RBMS1: variants seen among roughly 807,000 people sequenced by gnomAD.
RBMS1 encodes the protein RNA-binding motif, single-stranded-interacting protein 1.
Under a neutral mutation model 62.3 loss-of-function variants are expected in RBMS1, and 17 were observed. The observed-to-expected ratio is 0.27, with a 90% confidence interval of 0.19 to 0.41. The LOEUF (loss-of-function observed/expected upper bound fraction) is 0.41. RBMS1 is among the 10% of genes least tolerant of loss of function. The pLI is 1.00. For missense variants in RBMS1, 334 were observed against 504.5 expected, an observed-to-expected ratio of 0.66 and a Z score of 3.24; for synonymous variants, 172 against 170.0, an observed-to-expected ratio of 1.01 and a Z score of -0.09.
At chr2:160,363,604 A>T (rs1386828640) in intron 2 of RBMS1, among the ~76,000 whole-genome samples, 1 of 152,178 alleles carries the variant, frequency 6.6e-6, no homozygotes. Flanking sequence ...GGGCCAAAGA[A>T]GAATCCACAA....
Position 160,331,855 on chromosome 2 carries a change from CA to C in RBMS1, c.252-13629del, listed in dbSNP as rs1310997776. 2.0e-5 allele frequency among the ~76,000 whole-genome samples: 3 copies of C among 152,210 alleles called. No homozygotes were observed. The East Asian group carries it at 5.8e-4, about 29-fold the overall frequency. On this transcript the variant is annotated intron_variant, in intron 2 of 13. Transcript: ENST00000348849. ...TTTGCAGTCACTAGAAGTTTTCTAG[CA>C]GAACTAGCCTGGGTCAGGGAGGGTG...
intron 1 of RBMS1, chr2:160,407,599 A>G (rs1422186903): frequency 2.0e-6 from 2 of 981,160 alleles, no homozygotes; most frequent in Non-Finnish European, 2.4e-6. Context: ...CGCGAGGGGG[A>G]GGGCGCAAGG....
At chr2:160,338,176 A>G (rs1460031909) in intron 2 of RBMS1, among the ~76,000 whole-genome samples, 2 of 152,202 alleles carry the variant, frequency 1.3e-5, no homozygotes, top group Non-Finnish European at 1.5e-5. Context: ...GAAAATAAAG[A>G]ATACCAGATT....
At chr2:160,278,315 C>T (rs748362873) in intron 11 of RBMS1, 32 of 552,826 alleles carry the variant, frequency 5.8e-5, no homozygotes, top group Non-Finnish European at 7.8e-5. Context: ...GATGTGGTCA[C>T]GTGTGGGTGC....
At chr2:160,325,922 A>C (rs895640623) in intron 2 of RBMS1, among the ~76,000 whole-genome samples, 1 of 152,228 alleles carries the variant, frequency 6.6e-6, no homozygotes, top group African/African-American at 2.4e-5. Context: ...TTCTACTTCC[A>C]AGACACAAAA....
intron 1 of RBMS1, among the ~76,000 whole-genome samples, chr2:160,468,724 A>C (rs918434045): frequency 6.6e-6 from 1 of 152,228 alleles, no homozygotes; most frequent in African/African-American, 2.4e-5. Context: ...GCTTTTAAAA[A>C]ATCTACAATG....
intron 1 of RBMS1, among the ~76,000 whole-genome samples, chr2:160,376,485 C>T (rs1193962256): frequency 2.6e-5 from 4 of 151,946 alleles, no homozygotes; most frequent in African/African-American, 9.7e-5. Context: ...ATTAATATAA[C>T]TCAACAATAC....
At chr2:160,275,883 A>T (rs1687810595) in intron 12 of RBMS1, among the ~76,000 whole-genome samples, 169 bp from the exon 13 acceptor site, 1 of 152,214 alleles carries the variant, frequency 6.6e-6, no homozygotes, top group South Asian at 2.1e-4. Context: ...AGCAGCTGGC[A>T]TGTCTAACAG....
intron 8 of RBMS1, 43 bp from the exon 9 acceptor site, chr2:160,284,911 A>T (rs1688290679): frequency 1.3e-6 from 2 of 1,567,204 alleles, no homozygotes; most frequent in African/African-American, 2.7e-5. Flanking sequence ...TCCTTTAAAT[A>T]GAATAATTCA....
At chr2:160,428,363 G>A (rs1327840709) in intron 1 of RBMS1, among the ~76,000 whole-genome samples, 2 of 152,104 alleles carry the variant, frequency 1.3e-5, no homozygotes, top group Non-Finnish European at 2.9e-5. Context: ...AAGAGGTATT[G>A]GAAAGAAACA....
chr2:160,360,401 T>C (rs1693060652), intron 2 of RBMS1, among the ~76,000 whole-genome samples: 1 of 152,180 alleles, frequency 6.6e-6, no homozygotes, highest in Admixed American at 6.5e-5. Context: ...TTCATTATGC[T>C]ACTCTTCTAC....
chr2:160,464,356 T>G (rs945018711), intron 1 of RBMS1, among the ~76,000 whole-genome samples: 2 of 152,222 alleles, frequency 1.3e-5, no homozygotes, highest in African/African-American at 4.8e-5. Flanking sequence ...CAATGCTGCA[T>G]GAAGAAAACT....
At chr2:160,481,785 TGC>T (rs1168113067) in intron 1 of RBMS1, among the ~76,000 whole-genome samples, 6 of 152,222 alleles carry the variant, frequency 3.9e-5, no homozygotes, top group African/African-American at 1.2e-4. Flanking sequence ...ATCAGGAAAA[TGC>T]AAATTAAAAC....
intron 1 of RBMS1, among the ~76,000 whole-genome samples, chr2:160,463,827 A>C (rs1466695576): frequency 1.3e-5 from 2 of 152,202 alleles, no homozygotes; most frequent in East Asian, 3.8e-4. Context: ...CAACAAAGGC[A>C]ATTTAACTTT....
intron 9 of RBMS1, chr2:160,282,447 A>T: frequency 1.8e-6 from 1 of 570,664 alleles, no homozygotes; most frequent in Non-Finnish European, 3.1e-6. Flanking sequence ...GGTTTAGTGG[A>T]GAAAGGCCCA....
Position 160,493,480 on chromosome 2 carries a change from G to A in RBMS1, c.-117C>T, listed in dbSNP as rs952415946. 3.5e-6 allele frequency: 3 copies of A among 859,384 alleles called. No homozygotes were observed. Among genetic ancestry groups the A allele is most frequent in the African/African-American group, 3.4e-5 (2 of 58,924 alleles). 53.2% of individuals were successfully genotyped at this position (859,384 alleles called of 1,614,324 possible). A position where few individuals can be genotyped will look rare whatever the true frequency, so the allele number is the denominator to read the frequency against. On this transcript the variant is annotated 5_prime_UTR_variant, in exon 1 of 14. Coordinates refer to ENST00000348849, the MANE Select transcript of RBMS1 (RefSeq NM_016836.4). ...GGCAGCGGCGGCGGCGGCGGCGGCT[G>A]CTGCTGCTGCCGCTGCTCCACCTCC... is the stretch of plus-strand genomic sequence containing the variant.
intron 2 of RBMS1, among the ~76,000 whole-genome samples, chr2:160,338,720 T>C (rs969466143): frequency 3.3e-5 from 5 of 152,184 alleles, no homozygotes; most frequent in South Asian, 2.1e-4. Flanking sequence ...TAAATGGTGG[T>C]TGAATTGATT....
intron 6 of RBMS1, among the ~76,000 whole-genome samples, chr2:160,296,686 C>G (rs12692590): frequency 0.57 from 87,209 of 151,980 alleles, 25,495 homozygotes; most frequent in Admixed American, 0.67. Context: ...TGCCTCTGTG[C>G]TTGCTTTCAA....
chr2:160,327,832 A>G (rs1691040209), intron 2 of RBMS1, among the ~76,000 whole-genome samples: 1 of 152,200 alleles, frequency 6.6e-6, no homozygotes, highest in African/African-American at 2.4e-5. Flanking sequence ...TCAAACACTG[A>G]TGAATGTCCA....
Sources: allele counts gnomAD v4.1 joint callset (sites outside exome capture counted in the v4.1 genomes callset), GRCh38; gene constraint gnomAD v4.1.1; transcripts MANE v1.5; gene names NCBI Gene and HGNC (gene_info 2026-07-23, HGNC 2026-07-21).